ELP4: variants seen among roughly 807,000 people sequenced by gnomAD.
The protein encoded by ELP4 is elongator acetyltransferase complex subunit 4, also known as elongator complex protein 4.
A neutral mutation model predicts 48.9 loss-of-function variants in ELP4; 51 were observed. The ratio of observed to expected loss-of-function variants is 1.04; its 90% CI spans 0.83 to 1.32. The LOEUF is 1.32. Among genes scored for constraint, ELP4 ranks in the 40% most tolerant of loss-of-function variants. The pLI, the probability that ELP4 is intolerant of heterozygous loss-of-function variation, is 0.00. For synonymous variants in ELP4, 210 were observed against 189.2 expected, an observed-to-expected ratio of 1.11 and a Z score of -0.90; for missense variants, 519 against 514.6, an observed-to-expected ratio of 1.01 and a Z score of -0.08.
intron 3 of ELP4, among the ~76,000 whole-genome samples, chr11:31,590,962 G>A (rs1429011042): frequency 6.6e-6 from 1 of 152,086 alleles, no homozygotes; most frequent in Non-Finnish European, 1.5e-5. Flanking sequence ...GTATCATTGG[G>A]CTTCATCAAA....
At chr11:31,590,900 C>T (rs1222104009) in intron 3 of ELP4, among the ~76,000 whole-genome samples, 1 of 152,156 alleles carries the variant, frequency 6.6e-6, no homozygotes, top group African/African-American at 2.4e-5. Flanking sequence ...CCACCTCCAA[C>T]AATGGGGATT....
intron 9 of ELP4, among the ~76,000 whole-genome samples, chr11:31,746,153 G>A (rs1329509654): frequency 6.6e-6 from 1 of 152,168 alleles, no homozygotes; most frequent in Non-Finnish European, 1.5e-5. Flanking sequence ...ATCATCACTG[G>A]CCATCAGAGA....
chr11:31,562,850 A>G (rs1957044140), intron 3 of ELP4, among the ~76,000 whole-genome samples: 1 of 152,092 alleles, frequency 6.6e-6, no homozygotes, highest in Non-Finnish European at 1.5e-5. Context: ...CATTTTTTAA[A>G]TGCTTCAAAC....
chr11:31,695,822 T>C (rs190977675), intron 9 of ELP4, among the ~76,000 whole-genome samples: 103,986 of 112,624 alleles, frequency 0.92, 48,710 homozygotes, highest in South Asian at 1. Flanking sequence ...TGGTAAGCTA[T>C]TGATTATTGC....
chr11:31,555,991 C>T (rs1039507824), intron 3 of ELP4, among the ~76,000 whole-genome samples: 9 of 151,718 alleles, frequency 5.9e-5, no homozygotes, highest in South Asian at 2.1e-4. Flanking sequence ...CTATAACCAA[C>T]GCAAATATTT....
chr11:31,527,255 A>G (rs1282014075), intron 2 of ELP4, among the ~76,000 whole-genome samples: 1 of 151,998 alleles, frequency 6.6e-6, no homozygotes. Context: ...TCCCTCTTCT[A>G]GTGCTACATA....
intron 9 of ELP4, among the ~76,000 whole-genome samples, chr11:31,680,501 C>T (rs191852553): frequency 2.0e-5 from 3 of 152,114 alleles, no homozygotes; most frequent in Non-Finnish European, 2.9e-5. Context: ...GTTTGAGTTT[C>T]GGATAGGGGT....
chr11:31,523,856 T>C (rs1029402212), intron 2 of ELP4, among the ~76,000 whole-genome samples: 5 of 152,134 alleles, frequency 3.3e-5, no homozygotes, highest in African/African-American at 9.7e-5. Flanking sequence ...GTCTGTTACA[T>C]TGGTAAATTT....
chr11:31,765,159 G>T (rs1292328592), intron 9 of ELP4, among the ~76,000 whole-genome samples: 2 of 152,110 alleles, frequency 1.3e-5, no homozygotes, highest in Non-Finnish European at 2.9e-5. Context: ...AACTGTTTAT[G>T]GTTTTGGAAA....
intron 3 of ELP4, among the ~76,000 whole-genome samples, chr11:31,589,086 A>G (rs989361594): frequency 1.3e-5 from 2 of 152,216 alleles, no homozygotes; most frequent in African/African-American, 2.4e-5. Context: ...ATAGAGAAAG[A>G]TTAGCACATG....
chr11:31,745,090 C>T (rs1270425358), intron 9 of ELP4, among the ~76,000 whole-genome samples: 1 of 152,176 alleles, frequency 6.6e-6, no homozygotes, highest in Admixed American at 6.5e-5. Context: ...TTCTTATACA[C>T]CATTAACAGA....
At chr11:31,630,023 T>C (rs983613399) in intron 6 of ELP4, among the ~76,000 whole-genome samples, 2 of 152,064 alleles carry the variant, frequency 1.3e-5, no homozygotes, top group African/African-American at 4.8e-5. Context: ...TCTCATTACT[T>C]CATTTCATTC....
At chr11:31,610,763 T>G (rs1957964623) in intron 5 of ELP4, among the ~76,000 whole-genome samples, 2 of 152,238 alleles carry the variant, frequency 1.3e-5, no homozygotes, top group Non-Finnish European at 2.9e-5. Context: ...ATCATCTTGT[T>G]CCTCATTTCA....
At chr11:31,718,046 C>A (rs1390460727) in intron 9 of ELP4, among the ~76,000 whole-genome samples, 1 of 152,172 alleles carries the variant, frequency 6.6e-6, no homozygotes, top group East Asian at 1.9e-4. Flanking sequence ...ATCCACCTGC[C>A]TCAGCCTCCC....
chr11:31,745,605 A>T (rs889246615), intron 9 of ELP4, among the ~76,000 whole-genome samples: 10 of 152,210 alleles, frequency 6.6e-5, no homozygotes, highest in Non-Finnish European at 1.0e-4. Flanking sequence ...CAACTATCTG[A>T]TCTTTGACAA....
Position 31,750,651 on chromosome 11 carries a change from A to G in ELP4, c.1144-32742A>G, listed in dbSNP as rs150284824. Among the ~76,000 whole-genome samples the G allele has an allele frequency of 1.8e-3, 277 of 152,110 alleles. 2 individuals are homozygous for G. The highest frequency in any genetic ancestry group is 7.2e-4 in the Non-Finnish European group (49 of 67,982). On this transcript the variant is annotated intron_variant, in intron 9 of 9. Transcript: ENST00000640961. ...TTTAATTGTTTTTGGTTTTTTTTAC[A>G]TGTTCTCCTGCCTACCCAATTCCTC...
intron 7 of ELP4, among the ~76,000 whole-genome samples, chr11:31,641,687 G>A (rs543172332): frequency 2.6e-5 from 4 of 151,902 alleles, no homozygotes; most frequent in East Asian, 1.9e-4. Context: ...TCTGTCTTCC[G>A]TCAGGTTCCC....
At chr11:31,778,852 T>A (rs899468112) in intron 9 of ELP4, among the ~76,000 whole-genome samples, 20 of 152,168 alleles carry the variant, frequency 1.3e-4, no homozygotes, top group African/African-American at 4.3e-4. Flanking sequence ...TTTGTTTTTG[T>A]TTGTTTGTTT....
chr11:31,705,276 GTC>G (rs1468892910), intron 9 of ELP4, among the ~76,000 whole-genome samples: 1 of 152,022 alleles, frequency 6.6e-6, no homozygotes, highest in South Asian at 2.1e-4. Flanking sequence ...GTCAGCTCAG[GTC>G]TCTCTTCCTC....
Sources: allele counts gnomAD v4.1 joint callset (sites outside exome capture counted in the v4.1 genomes callset), GRCh38; gene constraint gnomAD v4.1.1; transcripts MANE v1.5; gene names NCBI Gene and HGNC (gene_info 2026-07-23, HGNC 2026-07-21).